Variants in CLASP2 observed in about 807,000 individuals in gnomAD.
The protein encoded by CLASP2 is cytoplasmic linker associated protein 2.
In CLASP2, 47 loss-of-function variants were observed where a neutral mutation model predicts 194.4. The observed-to-expected ratio is 0.24, with a 90% CI of 0.19 to 0.31. The LOEUF (loss-of-function observed/expected upper bound fraction) is 0.31, where lower values mean the gene tolerates loss of function less well. CLASP2 is among the 10% of genes least tolerant of loss of function. The pLI, the probability that CLASP2 is intolerant of heterozygous loss-of-function variation, is 1.00. For missense variants in CLASP2, 1,445 were observed against 1,823.6 expected (o/e 0.79, Z 3.78); for synonymous variants, 619 against 633.5 (o/e 0.98, Z 0.34).
chr3:33,673,208 C>A (rs1040215237), intron 6 of CLASP2, among the ~76,000 whole-genome samples: 10 of 152,174 alleles, frequency 6.6e-5, no homozygotes, highest in Admixed American at 3.3e-4. Flanking sequence ...TCGGGTTACC[C>A]ACTAAGGGAA....
chr3:33,677,610 C>T (rs927207491), intron 6 of CLASP2, among the ~76,000 whole-genome samples: 2 of 148,078 alleles, frequency 1.4e-5, no homozygotes, highest in Admixed American at 6.7e-5. Context: ...TGCTAGATGA[C>T]GAGTTAGTGG....
intron 1 of CLASP2, among the ~76,000 whole-genome samples, chr3:33,701,915 T>G (rs987874345): frequency 1.3e-5 from 2 of 151,996 alleles, no homozygotes; most frequent in Non-Finnish European, 2.9e-5. Flanking sequence ...CAAATAATTC[T>G]TAGAGACAAC....
At position 33,687,284 on chromosome 3, in the gene CLASP2, AAGCAAAAAATAATTCTAAGCAATGT is replaced by A. The variant is rs571689915; in HGVS notation, c.471-174_471-150del. On this transcript the variant is annotated intron_variant, in intron 4 of 38. Coordinates refer to ENST00000682230, the MANE Select transcript of CLASP2 (RefSeq NM_001365631.1). ...TTAAAACATGAAGGATATGAGACAT[AAGCAAAAAATAATTCTAAGCAATGT>A]AGCAAAAAATAATTCTAAGCAATGT... The A allele has an allele frequency of 1.2e-3, 681 of 557,368 alleles. 3 individuals are homozygous for A. Among genetic ancestry groups the A allele is most frequent in the African/African-American group, 0.012 (614 of 51,414 alleles). 34.5% of individuals were successfully genotyped at this position (557,368 alleles called of 1,614,324 possible). A position where few individuals can be genotyped will look rare whatever the true frequency, so the allele number is the denominator to read the frequency against.
chr3:33,648,502 A>G (rs2082654018), intron 7 of CLASP2, among the ~76,000 whole-genome samples: 1 of 152,176 alleles, frequency 6.6e-6, no homozygotes, highest in Non-Finnish European at 1.5e-5. Flanking sequence ...CAAAAACTGA[A>G]AAACTAAAAA....
Position 33,573,251 on chromosome 3 carries a change from C to T in CLASP2, c.2558G>A (p.Arg853Gln), listed in dbSNP as rs1362042788. The change falls in exon 25 of 39, where the codon CGA becomes CAA. Residue 853 changes from arginine to glutamine, a missense_variant. By Grantham distance (43) the Arg-to-Gln change is conservative (BLOSUM62 1). This residue lies in a region of CLASP2 where 732 missense variants were observed against 987.9 expected (regional missense o/e 0.74). Transcript: ENST00000682230. Reference protein sequence around the residue: ...SACSERSYSSRNGSIPTYMRQ... With the variant: ...SACSERSYSSQNGSIPTYMRQ... ...CATATATGTAGGAATACTACCATTTCGAGAACTATAGGAGCGTTCTGAACA... is the reference window on the plus strand; with the variant it reads ...CATATATGTAGGAATACTACCATTTTGAGAACTATAGGAGCGTTCTGAACA... 6 of 1,613,792 alleles carry T rather than the reference C, an allele frequency of 3.7e-6. No homozygotes were observed. The highest frequency in any genetic ancestry group is 1.1e-5 in the South Asian group (1 of 91,078).
At chr3:33,634,013 C>T (rs1015470088) in intron 8 of CLASP2, among the ~76,000 whole-genome samples, 1 of 151,848 alleles carries the variant, frequency 6.6e-6, no homozygotes, top group Admixed American at 6.6e-5. Flanking sequence ...CAACATAACC[C>T]GAGCAAGATA....
chr3:33,498,558 A>G lies in CLASP2; in HGVS notation c.*73T>C. On this transcript the variant is annotated 3_prime_UTR_variant, in exon 39 of 39. Transcript: ENST00000682230. ...TAAGTTCCAAAGGATGTGTTTGAGA[A>G]CTTCCTTTCATTGATGAGGGTGGTC... 1.1e-5 allele frequency: 10 copies of G among 893,214 alleles called. No individual in the cohort carries two copies. Among genetic ancestry groups the G allele is most frequent in the Non-Finnish European group, 1.6e-5 (9 of 555,002 alleles). 55.3% of individuals were successfully genotyped at this position (893,214 alleles called of 1,614,324 possible).
chr3:33,510,532 A>T, intron 37 of CLASP2, 26 bp downstream of exon 37: 1 of 1,600,316 alleles, frequency 6.2e-7, no homozygotes, highest in Non-Finnish European at 8.6e-7. Flanking sequence ...ATCATGGCTT[A>T]TTCCTCTCCA....
At chr3:33,704,800 T>G (rs964298443) in intron 1 of CLASP2, among the ~76,000 whole-genome samples, 1 of 151,784 alleles carries the variant, frequency 6.6e-6, no homozygotes, top group Non-Finnish European at 1.5e-5. Flanking sequence ...TATAAGCACA[T>G]GAAAAGATGC....
intron 10 of CLASP2, 107 bp from the exon 11 acceptor site, chr3:33,622,387 TATA>T (rs959388833): frequency 2.7e-5 from 22 of 803,538 alleles, no homozygotes; most frequent in East Asian, 2.2e-4. Flanking sequence ...ATGAAACATA[TATA>T]ATGTTTCATT....
intron 34 of CLASP2, among the ~76,000 whole-genome samples, chr3:33,532,864 G>A (rs1035281148): frequency 6.6e-5 from 10 of 152,004 alleles, no homozygotes; most frequent in African/African-American, 2.4e-4. Flanking sequence ...CTAATTTCTT[G>A]ATTTTGATGA....
chr3:33,659,183 C>A, intron 7 of CLASP2: 4 of 1,371,872 alleles, frequency 2.9e-6, no homozygotes, highest in Non-Finnish European at 3.8e-6. Context: ...AGTCTGGGGT[C>A]TTGCTGAAAA....
At chr3:33,658,448 A>G (rs921061485) in intron 7 of CLASP2, among the ~76,000 whole-genome samples, 9 of 152,230 alleles carry the variant, frequency 5.9e-5, no homozygotes, top group African/African-American at 1.9e-4. Context: ...CATAATCTTA[A>G]AAGGCTAAAT....
In CLASP2 at chr3:33,581,029, A is replaced by G. The variant is rs1287772877; in HGVS notation, c.2347+792T>C. 1.8e-4 allele frequency among the ~76,000 whole-genome samples: 27 copies of G among 149,450 alleles called. 1 individual carries two copies. The highest frequency in any genetic ancestry group is 1.8e-3 in the Admixed American group (27 of 15,010). On this transcript the variant is annotated intron_variant, in intron 23 of 38. Coordinates refer to ENST00000682230, the MANE Select transcript of CLASP2 (RefSeq NM_001365631.1). The stretch of plus-strand genomic sequence containing the variant: ...AGACTCCGTCTCAAAAAAAAAAAAA[A>G]AAGAAAGAAAGAAAAAAAAGAAAAA...
chr3:33,544,886 C>T, intron 30 of CLASP2, 45 bp from the exon 31 acceptor site: 2 of 1,434,478 alleles, frequency 1.4e-6, no homozygotes, highest in Non-Finnish European at 1.9e-6. Flanking sequence ...TTTTGTTACT[C>T]AAACAAGACC....
At chr3:33,651,596 T>C (rs1190036482) in intron 7 of CLASP2, among the ~76,000 whole-genome samples, 1 of 151,996 alleles carries the variant, frequency 6.6e-6, no homozygotes, top group African/African-American at 2.4e-5. Context: ...GTCCTTTTTT[T>C]TTCTTTTTCT....
intron 34 of CLASP2, among the ~76,000 whole-genome samples, chr3:33,529,902 C>CGGGAGGCGGAGCTTGCA (rs1559879907): frequency 7.4e-6 from 1 of 134,432 alleles, no homozygotes; most frequent in East Asian, 2.5e-4. Context: ...GGTGTGAACC[C>CGGGAGGCGGAGCTTGCA]GGGAGGCGGA....
At chr3:33,630,558 T>TA (rs11387497) in intron 9 of CLASP2, among the ~76,000 whole-genome samples, 75,308 of 150,562 alleles carry the variant, frequency 0.5, 19,862 homozygotes, top group African/African-American at 0.67. Context: ...TTAAAGAGCG[T>TA]AAAAAAAAAA....
At chr3:33,603,669 C>T (rs1484329772) in intron 17 of CLASP2, among the ~76,000 whole-genome samples, 1 of 152,146 alleles carries the variant, frequency 6.6e-6, no homozygotes, top group Non-Finnish European at 1.5e-5. Context: ...GTCACCCAGG[C>T]TGGAGTGCAG....
Sources: gnomAD v4.1 joint callset for allele counts (sites outside exome capture counted in the v4.1 genomes callset) on GRCh38, gnomAD v4.1.1 for gene constraint, gnomAD v4.1.1 regional missense constraint, MANE v1.5 for transcripts, NCBI Gene and HGNC (gene_info 2026-07-23, HGNC 2026-07-21) for gene names.